ATF7IP: variants seen among roughly 807,000 people sequenced by gnomAD.
ATF7IP encodes activating transcription factor 7-interacting protein 1.
In ATF7IP, 23 loss-of-function variants were observed where a neutral mutation model predicts 106.4. That is an observed-to-expected ratio of 0.22 (90% CI 0.16 to 0.31). The LOEUF is 0.31. ATF7IP is among the 10% of genes least tolerant of loss of function. The probability of loss-of-function intolerance (pLI) is 1.00; values close to 1 mark genes in which losing one functional copy is unlikely to be tolerated. For missense variants in ATF7IP, 1,334 were observed against 1,524.3 expected (o/e 0.88, Z 2.08); for synonymous variants, 542 against 539.0 (o/e 1.01, Z -0.08).
chr12:14,470,457 G>C (rs1194652489), intron 10 of ATF7IP, among the ~76,000 whole-genome samples: 2 of 152,116 alleles, frequency 1.3e-5, no homozygotes, highest in African/African-American at 4.8e-5. Flanking sequence ...AGATTTCTCA[G>C]ACAATGTTTT....
intron 10 of ATF7IP, among the ~76,000 whole-genome samples, chr12:14,471,368 G>C (rs1156582135): frequency 6.6e-6 from 1 of 152,148 alleles, no homozygotes; most frequent in Non-Finnish European, 1.5e-5. Flanking sequence ...ATTACTAAGA[G>C]TGGTATGATT....
Position 14,436,582 on chromosome 12 carries a change from C to T in ATF7IP, c.1791+331C>T, listed in dbSNP as rs532887890. On this transcript the variant is annotated intron_variant, in intron 4 of 14. Transcript: ENST00000261168. ...TGGTGGGTGCCTGTAATCCCAGCTA[C>T]CTGGGAGGCTGAGGCAGGAGAATCA... is the stretch of plus-strand genomic sequence containing the variant. Among the ~76,000 whole-genome samples the T allele has an allele frequency of 3.3e-5, 5 of 152,192 alleles. No individual in the cohort carries two copies. The South Asian group carries it at 8.3e-4, about 25-fold the overall frequency.
At chr12:14,431,389 A>G (rs1027493220) in intron 2 of ATF7IP, among the ~76,000 whole-genome samples, 1 of 151,238 alleles carries the variant, frequency 6.6e-6, no homozygotes, top group Non-Finnish European at 1.5e-5. Flanking sequence ...AGATTCTAAA[A>G]AAAACATTCT....
At chr12:14,463,815 A>C (rs556310014) in intron 9 of ATF7IP, among the ~76,000 whole-genome samples, 5 of 152,316 alleles carry the variant, frequency 3.3e-5, no homozygotes, top group African/African-American at 1.2e-4. Flanking sequence ...TAGCATTGGC[A>C]GTACTTGGTA....
chr12:14,380,004 T>C (rs1392904957), intron 1 of ATF7IP, among the ~76,000 whole-genome samples: 3 of 152,218 alleles, frequency 2.0e-5, no homozygotes, highest in Non-Finnish European at 4.4e-5. Flanking sequence ...TGTGTGTGTG[T>C]GATTCCAATT....
At chr12:14,455,389 C>G (rs1030161223) in intron 6 of ATF7IP, among the ~76,000 whole-genome samples, 1 of 151,994 alleles carries the variant, frequency 6.6e-6, no homozygotes, top group Non-Finnish European at 1.5e-5. Context: ...TCCCTCTACA[C>G]GTATCTAATG....
intron 6 of ATF7IP, among the ~76,000 whole-genome samples, chr12:14,450,897 T>C (rs528952042): frequency 6.6e-6 from 1 of 152,238 alleles, no homozygotes; most frequent in East Asian, 1.9e-4. Context: ...TGCCTCAACC[T>C]CCTGAGTAGC....
intron 11 of ATF7IP, 63 bp from the exon 12 acceptor site, chr12:14,478,254 G>A: frequency 6.5e-7 from 1 of 1,538,974 alleles, no homozygotes; most frequent in Non-Finnish European, 8.9e-7. Context: ...TGTCCATAGA[G>A]GAAAGACTTG....
chr12:14,419,272 C>G (rs1025057715), intron 1 of ATF7IP: 4 of 152,122 alleles, frequency 2.6e-5, no homozygotes, highest in Non-Finnish European at 5.9e-5. Context: ...GAATTCAAAT[C>G]TGTGAATCTG....
chr12:14,436,376 G>T, intron 4 of ATF7IP, 125 bp downstream of exon 4: 1 of 999,026 alleles, frequency 1.0e-6, no homozygotes. Context: ...GAAAGAACTT[G>T]AAGAAAGTGG....
At chr12:14,492,055 T>G (rs370514090) in intron 13 of ATF7IP, among the ~76,000 whole-genome samples, 2 of 152,338 alleles carry the variant, frequency 1.3e-5, no homozygotes, top group East Asian at 3.9e-4. Flanking sequence ...TTTCCCACCA[T>G]AGTAGCCCTC....
chr12:14,484,192 G>C (rs940564089), intron 13 of ATF7IP, among the ~76,000 whole-genome samples: 3 of 152,098 alleles, frequency 2.0e-5, no homozygotes, highest in South Asian at 4.2e-4. Flanking sequence ...GCCATAGTCA[G>C]GTCAGCCTTG....
intron 1 of ATF7IP, among the ~76,000 whole-genome samples, chr12:14,422,413 A>G (rs1417317097): frequency 1.3e-5 from 2 of 152,104 alleles, no homozygotes; most frequent in Admixed American, 6.6e-5. Flanking sequence ...ATAAAACCAC[A>G]TATCTACTAT....
chr12:14,453,573 C>T (rs1180936363), intron 6 of ATF7IP, among the ~76,000 whole-genome samples: 1 of 150,922 alleles, frequency 6.6e-6, no homozygotes, highest in Non-Finnish European at 1.5e-5. Context: ...TTCATGCACC[C>T]TTTTCCTGAT....
rs1943464562 is a variant in ATF7IP at position 14,457,275 on chromosome 12, T to G, written c.2138T>G (p.Phe713Cys). The G allele has an allele frequency of 3.7e-6, 6 of 1,612,052 alleles. No individual in the cohort carries two copies. The South Asian group carries it at 6.6e-5, about 18-fold the overall frequency. The change falls in exon 8 of 15, where the codon TTT becomes TGT. Residue 713 changes from phenylalanine (F) to cysteine (C), a missense_variant. Physicochemically the swap from Phe to Cys is radical, Grantham distance 205. This residue lies in a region of ATF7IP where 171 missense variants were observed against 172.6 expected (regional missense o/e 0.99). Transcript: ENST00000261168. ...RNVSESAPPS[F>C]QTPVNTVSST... The stretch of plus-strand genomic sequence containing the variant: ...GTAAGCGAGAGTGCACCACCATCCT[T>G]TCAAACTCCTGTGAATACAGGTAAC...
chr12:14,391,379 C>T (rs1939539755), intron 1 of ATF7IP, among the ~76,000 whole-genome samples: 4 of 152,198 alleles, frequency 2.6e-5, no homozygotes, highest in Admixed American at 2.6e-4. Flanking sequence ...GCCAGTAGAA[C>T]TATCTGACTC....
chr12:14,377,577 G>A (rs1223045532), intron 1 of ATF7IP, among the ~76,000 whole-genome samples: 4 of 151,046 alleles, frequency 2.6e-5, no homozygotes, highest in South Asian at 2.1e-4. Context: ...GGATGGTCTC[G>A]ATCTCCTGAC....
intron 1 of ATF7IP, among the ~76,000 whole-genome samples, chr12:14,381,951 C>G (rs796456782): frequency 2.7e-5 from 4 of 150,756 alleles, no homozygotes; most frequent in African/African-American, 9.8e-5. Context: ...GATTGTAGCG[C>G]TCTTATTTTA....
chr12:14,480,115 C>T (rs369357730), intron 12 of ATF7IP, among the ~76,000 whole-genome samples: 79 of 152,068 alleles, frequency 5.2e-4, no homozygotes, highest in African/African-American at 1.7e-3. Flanking sequence ...GTAAAGAAAC[C>T]GTTTTATCTT....
Sources: allele counts gnomAD v4.1 joint callset (sites outside exome capture counted in the v4.1 genomes callset), GRCh38; gene constraint gnomAD v4.1.1; regional missense constraint gnomAD v4.1.1; transcripts MANE v1.5; gene names NCBI Gene and HGNC (gene_info 2026-07-23, HGNC 2026-07-21).